Variants in OPRM1 observed in about 807,000 individuals in gnomAD.
OPRM1 encodes opioid receptor mu 1.
In OPRM1, 27 loss-of-function variants were observed where a neutral mutation model predicts 31.8. The observed-to-expected ratio is 0.85, with a 90% CI of 0.63 to 1.17. The LOEUF (loss-of-function observed/expected upper bound fraction) is 1.17, where lower values mean the gene tolerates loss of function less well. OPRM1 is among the 50% of genes most tolerant of loss of function. The pLI, the probability that OPRM1 is intolerant of heterozygous loss-of-function variation, is 0.00. For synonymous variants in OPRM1, 196 were observed against 189.9 expected, an observed-to-expected ratio of 1.03 and a Z score of -0.26; for missense variants, 536 against 511.1, an observed-to-expected ratio of 1.05 and a Z score of -0.47.
At chr6:154,062,486 A>T (rs1214424265) in intron 1 of OPRM1, among the ~76,000 whole-genome samples, 1 of 152,100 alleles carries the variant, frequency 6.6e-6, no homozygotes, top group Non-Finnish European at 1.5e-5. Context: ...TGGTTTATTC[A>T]TGAATCATAT....
At chr6:154,064,965 C>T (rs968605218) in intron 1 of OPRM1, among the ~76,000 whole-genome samples, 1 of 151,876 alleles carries the variant, frequency 6.6e-6, no homozygotes, top group Non-Finnish European at 1.5e-5. Context: ...TTATTTTGGC[C>T]ATAGTGTTTA....
At position 154,120,953 on chromosome 6, in the gene OPRM1, G is replaced by A. The variant is rs1373824576; in HGVS notation, c.*2232G>A. Among the ~76,000 whole-genome samples the A allele has an allele frequency of 1.3e-5, 2 of 152,108 alleles. No individual in the cohort carries two copies. Among genetic ancestry groups the A allele is most frequent in the Non-Finnish European group, 2.9e-5 (2 of 68,002 alleles). ...TATTTTTAAAATAAGACATTCTAAA[G>A]TAAATAATAAATAAGGTCATTGTCA... On this transcript the variant is annotated 3_prime_UTR_variant, in exon 4 of 4. Coordinates refer to ENST00000330432, the MANE Select transcript of OPRM1 (RefSeq NM_000914.5).
chr6:154,176,565 CATAA>C (rs1414086847), intron 3 of OPRM1, among the ~76,000 whole-genome samples: 1 of 152,068 alleles, frequency 6.6e-6, no homozygotes, highest in Non-Finnish European at 1.5e-5. Context: ...AACTCCCATT[CATAA>C]TTACTATAAA....
At chr6:154,107,424 T>C (rs1411940674) in intron 3 of OPRM1, 4 of 717,926 alleles carry the variant, frequency 5.6e-6, no homozygotes. Flanking sequence ...AGAATAGACG[T>C]CTTCACTCAG....
At position 154,125,602 on chromosome 6, in the gene OPRM1, A is replaced by G. The variant is rs1484947705; in HGVS notation, c.*6881A>G. On this transcript the variant is annotated 3_prime_UTR_variant, in exon 4 of 4. Coordinates refer to ENST00000330432, the MANE Select transcript of OPRM1 (RefSeq NM_000914.5). ...GTAATAGGAATGTTTAGCAAAAAAAACCTTCCAGAGAAAGGTGGTTTCCAA... is the reference window on the plus strand; with the variant it reads ...GTAATAGGAATGTTTAGCAAAAAAAGCCTTCCAGAGAAAGGTGGTTTCCAA... Among the ~76,000 whole-genome samples, 1 of 152,220 alleles carries G rather than the reference A, an allele frequency of 6.6e-6. No individual in the cohort carries two copies. Among genetic ancestry groups the G allele is most frequent in the Non-Finnish European group, 1.5e-5 (1 of 68,032 alleles).
At chr6:154,133,461 C>G (rs1484757871), downstream of OPRM1, among the ~76,000 whole-genome samples, 1 of 152,192 alleles carries the variant, frequency 6.6e-6, no homozygotes, top group African/African-American at 2.4e-5. Flanking sequence ...TGGGTCACCT[C>G]CAGTCTTAGG....
chr6:154,136,505 A>ACT (rs987181562), downstream of OPRM1, among the ~76,000 whole-genome samples: 2 of 152,096 alleles, frequency 1.3e-5, no homozygotes, highest in African/African-American at 2.4e-5. Context: ...GATTCTGTAG[A>ACT]CTGAACTCAT....
chr6:154,012,186 T>C (rs936122598), intron 1 of OPRM1, among the ~76,000 whole-genome samples: 2 of 152,168 alleles, frequency 1.3e-5, no homozygotes, highest in Non-Finnish European at 2.9e-5. Flanking sequence ...AATAGCTGTG[T>C]TTTAATAGTT....
Position 154,131,557 on chromosome 6 carries a change from A to G in OPRM1, c.*12836A>G, listed in dbSNP as rs927646066. 3.0e-4 allele frequency among the ~76,000 whole-genome samples: 45 copies of G among 152,238 alleles called. No individual in the cohort carries two copies. Among genetic ancestry groups the G allele is most frequent in the African/African-American group, 1.1e-3 (44 of 41,462 alleles). On this transcript the variant is annotated 3_prime_UTR_variant, in exon 4 of 4. Coordinates refer to ENST00000330432, the MANE Select transcript of OPRM1 (RefSeq NM_000914.5). Reference sequence around the variant, plus strand: ...TGCTCTGCACGTAGATTCAGTTTGTATGCCAGGGTGACATTTTAATTTACA... The same window carrying G: ...TGCTCTGCACGTAGATTCAGTTTGTGTGCCAGGGTGACATTTTAATTTACA...
intron 3 of OPRM1, chr6:154,108,985 G>A: frequency 1.0e-6 from 1 of 984,484 alleles, no homozygotes; most frequent in Non-Finnish European, 1.2e-6. Context: ...TTTATTTCAT[G>A]GACCAGCAAT....
At chr6:154,209,178 C>T (rs2128602380) in intron 3 of OPRM1, among the ~76,000 whole-genome samples, 1 of 152,068 alleles carries the variant, frequency 6.6e-6, no homozygotes, top group Non-Finnish European at 1.5e-5. Flanking sequence ...TTTGAATTTT[C>T]CAAAATAGTA....
chr6:154,218,604 GA>G (rs766259496), intron 3 of OPRM1, among the ~76,000 whole-genome samples: 16 of 152,190 alleles, frequency 1.1e-4, no homozygotes, highest in Non-Finnish European at 2.1e-4. Context: ...AGTAAGAAGG[GA>G]AGTTCTTCAT....
intron 3 of OPRM1, among the ~76,000 whole-genome samples, chr6:154,169,897 C>T (rs1799740731): frequency 6.6e-6 from 1 of 152,078 alleles, no homozygotes; most frequent in South Asian, 2.1e-4. Flanking sequence ...TCTCTTTTTT[C>T]TTAAGCTGAA....
At position 154,066,188 on chromosome 6, in the gene OPRM1, T is replaced by A. The variant is rs541237517; in HGVS notation, c.291-23638T>A. Among the ~76,000 whole-genome samples the A allele has an allele frequency of 9.6e-4, 146 of 152,270 alleles. 1 individual carries two copies. Among genetic ancestry groups the A allele is most frequent in the African/African-American group, 3.4e-3 (142 of 41,570 alleles). ...AGTCTGACAATATTTTGCTGAGGAT[T>A]TTTGCTTCAATTTTTATAAGGGACA... On this transcript the variant is annotated intron_variant, in intron 1 of 3. Coordinates refer to ENST00000330432, the MANE Select transcript of OPRM1 (RefSeq NM_000914.5).
chr6:154,215,823 A>G (rs1005081187), intron 3 of OPRM1, among the ~76,000 whole-genome samples: 4 of 152,176 alleles, frequency 2.6e-5, no homozygotes, highest in African/African-American at 9.7e-5. Context: ...GGCAAAATAA[A>G]GGAACAGAAA....
At chr6:154,065,507 T>C (rs1418133064) in intron 1 of OPRM1, among the ~76,000 whole-genome samples, 3 of 152,244 alleles carry the variant, frequency 2.0e-5, no homozygotes, top group Admixed American at 6.5e-5. Context: ...CTAAGTGTTT[T>C]ATTACATTTG....
intron 1 of OPRM1, among the ~76,000 whole-genome samples, chr6:154,030,607 A>G (rs1778952971): frequency 6.6e-6 from 1 of 151,764 alleles, no homozygotes. Context: ...ATTAATTTTT[A>G]GTACAAAAAA....
At chr6:154,176,683 TAGA>T (rs1232937503) in intron 3 of OPRM1, among the ~76,000 whole-genome samples, 2 of 152,102 alleles carry the variant, frequency 1.3e-5, no homozygotes, top group African/African-American at 4.8e-5. Context: ...CACAAACAAA[TAGA>T]AGAACATTCC....
At chr6:154,240,141 G>A (rs1293706961) in intron 3 of OPRM1, among the ~76,000 whole-genome samples, 1 of 152,162 alleles carries the variant, frequency 6.6e-6, no homozygotes, top group Non-Finnish European at 1.5e-5. Context: ...GAACACATCA[G>A]TGTTCAATAA....
Sources: gnomAD v4.1 joint callset for allele counts (sites outside exome capture counted in the v4.1 genomes callset) on GRCh38, gnomAD v4.1.1 for gene constraint, MANE v1.5 for transcripts, NCBI Gene and HGNC (gene_info 2026-07-23, HGNC 2026-07-21) for gene names.